The following LRFN5 variants were observed in gnomAD, a reference collection of about 807,000 sequenced individuals.
The protein encoded by LRFN5 is leucine rich repeat and fibronectin type III domain containing 5, also known as leucine-rich repeat and fibronectin type-III domain-containing protein 5.
A neutral mutation model predicts 45.6 loss-of-function variants in LRFN5; 24 were observed. The observed-to-expected ratio is 0.53, with a 90% CI of 0.38 to 0.74. The LOEUF (loss-of-function observed/expected upper bound fraction) is 0.74, where lower values mean the gene tolerates loss of function less well. Ranked by LOEUF, LRFN5 falls within the 30% of genes least tolerant of loss-of-function variation. The pLI is 0.00. For synonymous variants in LRFN5, 340 were observed against 313.8 expected (o/e 1.08, Z -0.88); for missense variants, 776 against 861.5 (o/e 0.90, Z 1.24).
intron 1 of LRFN5, among the ~76,000 whole-genome samples, chr14:41,695,066 A>G (rs908098518): frequency 6.6e-6 from 1 of 151,994 alleles, no homozygotes; most frequent in Non-Finnish European, 1.5e-5. Flanking sequence ...ACACACAAAT[A>G]ATAAGAAAGC....
intron 1 of LRFN5, among the ~76,000 whole-genome samples, chr14:41,628,412 G>A (rs1351928812): frequency 6.6e-6 from 1 of 152,010 alleles, no homozygotes; most frequent in Non-Finnish European, 1.5e-5. Flanking sequence ...TCTAAAGACT[G>A]AGCAATAGAG....
At chr14:41,650,236 TACAC>T (rs1555351105) in intron 1 of LRFN5, among the ~76,000 whole-genome samples, 206 of 128,208 alleles carry the variant, frequency 1.6e-3, no homozygotes, top group African/African-American at 2.8e-3. Context: ...TCTACAAAAA[TACAC>T]ACACACACAC....
At chr14:41,826,938 T>C (rs1437491854) in intron 2 of LRFN5, among the ~76,000 whole-genome samples, 3 of 152,200 alleles carry the variant, frequency 2.0e-5, no homozygotes, top group Admixed American at 6.5e-5. Context: ...AGTAATTATT[T>C]TGATTCACAA....
intron 2 of LRFN5, among the ~76,000 whole-genome samples, chr14:41,788,945 A>C (rs1594710399): frequency 6.6e-6 from 1 of 152,010 alleles, no homozygotes; most frequent in South Asian, 2.1e-4. Context: ...AGAACTTGAA[A>C]GGGTTGAGGA....
chr14:41,631,635 A>G (rs1410960533), intron 1 of LRFN5, among the ~76,000 whole-genome samples: 1 of 152,176 alleles, frequency 6.6e-6, no homozygotes, highest in African/African-American at 2.4e-5. Flanking sequence ...CTGATATTTT[A>G]TTGAAAGTGA....
At chr14:41,896,246 TAAG>T (rs1566511899) in intron 4 of LRFN5, among the ~76,000 whole-genome samples, 1 of 152,200 alleles carries the variant, frequency 6.6e-6, no homozygotes, top group African/African-American at 2.4e-5. Context: ...AGACATTTCT[TAAG>T]AAGACAGCAA....
At chr14:41,742,578 G>A (rs1057113242) in intron 1 of LRFN5, 1 of 152,196 alleles carries the variant, frequency 6.6e-6, no homozygotes, top group African/African-American at 2.4e-5. Flanking sequence ...ATACGTTGGA[G>A]CGACTATGTG....
At chr14:41,619,082 C>CT (rs972435577) in intron 1 of LRFN5, among the ~76,000 whole-genome samples, 46 of 151,842 alleles carry the variant, frequency 3.0e-4, no homozygotes, top group Non-Finnish European at 5.9e-4. Flanking sequence ...GAAAATTTGG[C>CT]TTTTTTTTCC....
At chr14:41,778,531 G>C (rs890075562) in intron 2 of LRFN5, among the ~76,000 whole-genome samples, 4 of 151,614 alleles carry the variant, frequency 2.6e-5, no homozygotes, top group African/African-American at 7.2e-5. Context: ...TTATCATCAT[G>C]ATTATGGTTT....
chr14:41,681,205 G>A (rs1053896183), intron 1 of LRFN5, among the ~76,000 whole-genome samples: 3 of 152,110 alleles, frequency 2.0e-5, no homozygotes, highest in Non-Finnish European at 2.9e-5. Flanking sequence ...TTTATTCAAA[G>A]GGATAAATAA....
At chr14:41,867,009 A>C (rs1347337294) in intron 2 of LRFN5, among the ~76,000 whole-genome samples, 1 of 152,150 alleles carries the variant, frequency 6.6e-6, no homozygotes, top group Non-Finnish European at 1.5e-5. Context: ...TGAGATACAC[A>C]GTCTACAAAT....
intron 1 of LRFN5, among the ~76,000 whole-genome samples, chr14:41,703,503 A>G (rs567371054): frequency 6.6e-6 from 1 of 152,252 alleles, no homozygotes; most frequent in South Asian, 2.1e-4. Context: ...TCTATTAAAC[A>G]GAATGGCCTT....
At chr14:41,804,026 G>A (rs919713600) in intron 2 of LRFN5, among the ~76,000 whole-genome samples, 1 of 152,048 alleles carries the variant, frequency 6.6e-6, no homozygotes, top group South Asian at 2.1e-4. Flanking sequence ...ACCACACCTG[G>A]CTAATTTTTG....
chr14:41,732,758 A>C (rs1884234188), intron 1 of LRFN5, among the ~76,000 whole-genome samples: 1 of 151,128 alleles, frequency 6.6e-6, no homozygotes, highest in Admixed American at 6.6e-5. Context: ...TAACCAACAG[A>C]ATTTCTGATG....
chr14:41,774,872 T>A (rs1385281240), intron 2 of LRFN5, among the ~76,000 whole-genome samples: 1 of 152,122 alleles, frequency 6.6e-6, no homozygotes, highest in Non-Finnish European at 1.5e-5. Flanking sequence ...ACCTCTTTCA[T>A]CACTCCTGAT....
chr14:41,829,831 C>T (rs894389913), intron 2 of LRFN5, among the ~76,000 whole-genome samples: 23 of 151,140 alleles, frequency 1.5e-4, no homozygotes, highest in African/African-American at 5.1e-4. Flanking sequence ...TTTATACAAC[C>T]TTTTTATTCT....
chr14:41,777,141 T>C (rs1886322041), intron 2 of LRFN5, among the ~76,000 whole-genome samples: 1 of 151,906 alleles, frequency 6.6e-6, no homozygotes, highest in East Asian at 1.9e-4. Flanking sequence ...AATAGCTACT[T>C]CCATTTCTCT....
chr14:41,683,762 T>G (rs2138690747), intron 1 of LRFN5, among the ~76,000 whole-genome samples: 1 of 152,114 alleles, frequency 6.6e-6, no homozygotes, highest in African/African-American at 2.4e-5. Flanking sequence ...ACCTTTACAA[T>G]TAAAACTATA....
At chr14:41,756,119 A>T (rs987436917) in intron 1 of LRFN5, among the ~76,000 whole-genome samples, 1 of 152,138 alleles carries the variant, frequency 6.6e-6, no homozygotes, top group African/African-American at 2.4e-5. Flanking sequence ...CTTGTAGAGT[A>T]TCTGCCGAGA....
Sources: allele counts gnomAD v4.1 joint callset (sites outside exome capture counted in the v4.1 genomes callset), GRCh38; gene constraint gnomAD v4.1.1; transcripts MANE v1.5; gene names NCBI Gene and HGNC (gene_info 2026-07-23, HGNC 2026-07-21).